The following FBXL17 variants were observed in gnomAD, a reference collection of about 807,000 sequenced individuals.
The protein encoded by FBXL17 is F-box/LRR-repeat protein 17.
A neutral mutation model predicts 66.2 loss-of-function variants in FBXL17; 22 were observed. The ratio of observed to expected loss-of-function variants is 0.33; its 90% confidence interval spans 0.24 to 0.47. The LOEUF (loss-of-function observed/expected upper bound fraction) is 0.47, where lower values mean the gene tolerates loss of function less well. FBXL17 is among the 20% of genes least tolerant of loss of function. The pLI is 1.00. For missense variants in FBXL17, 878 were observed against 948.2 expected (o/e 0.93, Z 0.97); for synonymous variants, 474 against 400.5 (o/e 1.18, Z -2.19).
chr5:108,297,639 T>C (rs553848944), intron 4 of FBXL17: 2 of 171,612 alleles, frequency 1.2e-5, no homozygotes, highest in South Asian at 1.9e-4. Flanking sequence ...ACTGATCATC[T>C]ATACAAGACT....
chr5:108,068,418 TA>T (rs1326153802), intron 6 of FBXL17, among the ~76,000 whole-genome samples: 1 of 142,424 alleles, frequency 7.0e-6, no homozygotes, highest in Non-Finnish European at 1.5e-5. Flanking sequence ...CCATAAAATC[TA>T]AATACTCCTA....
chr5:108,188,831 C>T (rs558172391), intron 5 of FBXL17, among the ~76,000 whole-genome samples: 42 of 152,276 alleles, frequency 2.8e-4, no homozygotes, highest in African/African-American at 9.1e-4. Context: ...TCTTACCTCT[C>T]ATTGTAGCTT....
At chr5:108,188,228 T>C (rs1753319284) in intron 5 of FBXL17, among the ~76,000 whole-genome samples, 2 of 152,146 alleles carry the variant, frequency 1.3e-5, no homozygotes, top group Admixed American at 1.3e-4. Flanking sequence ...GAGTCACTAC[T>C]CAATGCTCTC....
Position 107,861,842 on chromosome 5 carries a change from C to T in FBXL17, c.1984G>A (p.Glu662Lys), listed in dbSNP as rs1446447405. 2 of 1,541,924 alleles carry T rather than the reference C, an allele frequency of 1.3e-6. No homozygotes were observed. Among genetic ancestry groups the T allele is most frequent in the Non-Finnish European group, 1.8e-6 (2 of 1,139,212 alleles). Residue 662 changes from glutamate to lysine, a missense_variant, in exon 9 of 9, where the codon GAA (glutamate) becomes AAA (lysine). Physicochemically the swap from Glu to Lys is moderately conservative, Grantham distance 56. Around this residue, in one of 4 missense-constraint regions of FBXL17, gnomAD observed 236 missense variants for 389.1 expected, o/e 0.61. Transcript: ENST00000542267. ...TGGGGGTACTGCTGCACCAGCTGTT[C>T]CACCGTCACTTCGTTGACCTGCAAA... ...RCDKVNEVTV[E>K]QLVQQYPHIT...
chr5:108,199,119 CT>C (rs1341510539), intron 5 of FBXL17, among the ~76,000 whole-genome samples: 2 of 152,062 alleles, frequency 1.3e-5, no homozygotes, highest in East Asian at 3.9e-4. Context: ...TAGTATACAT[CT>C]AAGGTAGGAC....
At chr5:108,093,576 T>C (rs1208305816) in intron 6 of FBXL17, among the ~76,000 whole-genome samples, 1 of 152,174 alleles carries the variant, frequency 6.6e-6, no homozygotes, top group African/African-American at 2.4e-5. Flanking sequence ...AATGAAAAAG[T>C]ATTTTATCAT....
At chr5:108,375,667 A>AG (rs1749375201) in intron 1 of FBXL17, among the ~76,000 whole-genome samples, 1 of 152,202 alleles carries the variant, frequency 6.6e-6, no homozygotes, top group South Asian at 2.1e-4. Context: ...AGAAAAGACA[A>AG]GGACCAGATG....
At chr5:108,348,923 G>T (rs920560046) in intron 3 of FBXL17, among the ~76,000 whole-genome samples, 2 of 152,102 alleles carry the variant, frequency 1.3e-5, no homozygotes, top group Non-Finnish European at 2.9e-5. Context: ...TCTTACCTCA[G>T]CCTCCTGAGT....
At chr5:108,057,112 G>A (rs568225180) in intron 6 of FBXL17, among the ~76,000 whole-genome samples, 1 of 152,202 alleles carries the variant, frequency 6.6e-6, no homozygotes, top group East Asian at 1.9e-4. Flanking sequence ...ATTCAAAGAG[G>A]TTAACTATTT....
chr5:108,238,734 G>T (rs1329119059), intron 4 of FBXL17, among the ~76,000 whole-genome samples: 1 of 152,062 alleles, frequency 6.6e-6, no homozygotes, highest in African/African-American at 2.4e-5. Flanking sequence ...GCCCAGGCTG[G>T]TTTTGAACTT....
chr5:108,189,585 G>GC (rs1431759324), intron 5 of FBXL17, among the ~76,000 whole-genome samples: 1 of 152,108 alleles, frequency 6.6e-6, no homozygotes, highest in Non-Finnish European at 1.5e-5. Flanking sequence ...CATAATCCCT[G>GC]CCCCCTTGAG....
intron 6 of FBXL17, among the ~76,000 whole-genome samples, chr5:108,124,622 C>T (rs1168461590): frequency 6.6e-6 from 1 of 152,024 alleles, no homozygotes; most frequent in Non-Finnish European, 1.5e-5. Context: ...AATAAGAGTG[C>T]TACCCAGATA....
chr5:107,899,453 G>A (rs539739459), intron 7 of FBXL17, among the ~76,000 whole-genome samples: 7 of 152,026 alleles, frequency 4.6e-5, no homozygotes, highest in Admixed American at 6.6e-5. Context: ...ACCAGCCTGC[G>A]CAAATAGTGA....
At chr5:108,324,430 A>G (rs1331548819) in intron 4 of FBXL17, among the ~76,000 whole-genome samples, 2 of 152,078 alleles carry the variant, frequency 1.3e-5, no homozygotes, top group Non-Finnish European at 2.9e-5. Context: ...AAACAAACAG[A>G]AAATAACAAG....
intron 7 of FBXL17, among the ~76,000 whole-genome samples, chr5:108,001,761 A>G (rs1267214584): frequency 6.6e-6 from 1 of 152,024 alleles, no homozygotes; most frequent in Admixed American, 6.5e-5. Context: ...GGGCCTCCCA[A>G]AGTGTTGGGA....
chr5:108,056,875 G>A (rs1747729963), intron 6 of FBXL17, among the ~76,000 whole-genome samples: 2 of 152,152 alleles, frequency 1.3e-5, no homozygotes, highest in Admixed American at 6.5e-5. Context: ...ACTCCTACAG[G>A]ACATTATAAA....
intron 1 of FBXL17, among the ~76,000 whole-genome samples, chr5:108,369,707 C>T (rs1395353171): frequency 1.3e-5 from 2 of 151,098 alleles, no homozygotes; most frequent in African/African-American, 2.4e-5. Flanking sequence ...GGATGAAGGC[C>T]AATACAAATC....
At chr5:107,928,315 T>A (rs1750603212) in intron 7 of FBXL17, among the ~76,000 whole-genome samples, 1 of 151,986 alleles carries the variant, frequency 6.6e-6, no homozygotes, top group African/African-American at 2.4e-5. Context: ...ACAGTGGCAA[T>A]CCATCACACC....
At chr5:107,919,328 T>C (rs1338530907) in intron 7 of FBXL17, among the ~76,000 whole-genome samples, 2 of 152,126 alleles carry the variant, frequency 1.3e-5, no homozygotes, top group East Asian at 1.9e-4. Context: ...CCCAATTCCT[T>C]TGCTCCCACT....
Sources: allele counts gnomAD v4.1 joint callset (sites outside exome capture counted in the v4.1 genomes callset), GRCh38; gene constraint gnomAD v4.1.1; regional missense constraint gnomAD v4.1.1; transcripts MANE v1.5; gene names NCBI Gene and HGNC (gene_info 2026-07-23, HGNC 2026-07-21).